KCTD16: variants seen among roughly 807,000 people sequenced by gnomAD.
The protein encoded by KCTD16 is BTB/POZ domain-containing protein KCTD16.
Under a neutral mutation model 33.2 loss-of-function variants are expected in KCTD16, and 13 were observed. The observed-to-expected ratio is 0.39, with a 90% CI of 0.25 to 0.62. The LOEUF is 0.62. KCTD16 is among the 20% of genes least tolerant of loss of function. The pLI is 0.50. For synonymous variants in KCTD16, 197 were observed against 195.3 expected, an observed-to-expected ratio of 1.01 and a Z score of -0.07; for missense variants, 441 against 525.1, an observed-to-expected ratio of 0.84 and a Z score of 1.57.
At chr5:144,230,309 A>G (rs1448971812) in intron 3 of KCTD16, among the ~76,000 whole-genome samples, 2 of 152,180 alleles carry the variant, frequency 1.3e-5, no homozygotes, top group Non-Finnish European at 2.9e-5. Flanking sequence ...GCTTTATTGT[A>G]TCTTGCCCTT....
intron 3 of KCTD16, among the ~76,000 whole-genome samples, chr5:144,301,642 G>A (rs1332809111): frequency 2.0e-5 from 3 of 152,230 alleles, no homozygotes; most frequent in East Asian, 3.9e-4. Flanking sequence ...ATGCCGTCTC[G>A]ACATAGTGAA....
At chr5:144,324,573 G>A (rs559868685) in intron 3 of KCTD16, among the ~76,000 whole-genome samples, 4 of 152,200 alleles carry the variant, frequency 2.6e-5, no homozygotes, top group Admixed American at 6.5e-5. Flanking sequence ...TCCCATTACT[G>A]GTTATATACC....
Position 144,474,381 on chromosome 5 carries a change from A to G in KCTD16, c.*267A>G, listed in dbSNP as rs1344395032. 3 of 329,162 alleles carry G rather than the reference A, an allele frequency of 9.1e-6. No homozygotes were observed. Among genetic ancestry groups the G allele is most frequent in the Non-Finnish European group, 1.7e-5 (3 of 178,202 alleles). 20.4% of individuals were successfully genotyped at this position (329,162 alleles called of 1,614,324 possible). A position where few individuals can be genotyped will look rare whatever the true frequency, so the allele number is the denominator to read the frequency against. ...TCGTCCCATGTGCTAACTATCTTATATATAATGAGAGCCAGCTACGTAAAA... is the reference window on the plus strand; with the variant it reads ...TCGTCCCATGTGCTAACTATCTTATGTATAATGAGAGCCAGCTACGTAAAA... On this transcript the variant is annotated 3_prime_UTR_variant, in exon 4 of 4. Coordinates refer to ENST00000512467, the MANE Select transcript of KCTD16 (RefSeq NM_020768.4).
At chr5:144,256,027 G>A (rs937009249) in intron 3 of KCTD16, among the ~76,000 whole-genome samples, 6 of 152,126 alleles carry the variant, frequency 3.9e-5, no homozygotes, top group Non-Finnish European at 5.9e-5. Flanking sequence ...AGTCAGTACC[G>A]TACCTGTGCT....
chr5:144,201,206 T>C (rs1328488672), intron 2 of KCTD16, among the ~76,000 whole-genome samples: 1 of 152,188 alleles, frequency 6.6e-6, no homozygotes, highest in African/African-American at 2.4e-5. Context: ...ATCCATGTAG[T>C]ATAAATGAAA....
At chr5:144,334,767 C>A (rs569266401) in intron 3 of KCTD16, among the ~76,000 whole-genome samples, 1 of 152,062 alleles carries the variant, frequency 6.6e-6, no homozygotes, top group Admixed American at 6.6e-5. Flanking sequence ...CCTTGCCTTG[C>A]CTTTTTCTTT....
intron 3 of KCTD16, among the ~76,000 whole-genome samples, chr5:144,208,079 C>T (rs963110586): frequency 1.3e-5 from 2 of 152,180 alleles, no homozygotes; most frequent in Non-Finnish European, 2.9e-5. Context: ...CCCCTGCTCC[C>T]CCCAAGTCTA....
At chr5:144,449,013 G>A (rs549955031) in intron 3 of KCTD16, among the ~76,000 whole-genome samples, 50 of 152,052 alleles carry the variant, frequency 3.3e-4, no homozygotes, top group African/African-American at 1.2e-3. Flanking sequence ...AGTAAAAATT[G>A]TTACCTTTTT....
chr5:144,420,751 T>C (rs1466349960), intron 3 of KCTD16, among the ~76,000 whole-genome samples: 3 of 152,130 alleles, frequency 2.0e-5, no homozygotes, highest in African/African-American at 7.2e-5. Flanking sequence ...AGAAAATACC[T>C]GTCTGTAAGC....
At chr5:144,262,021 G>C (rs757751736) in intron 3 of KCTD16, among the ~76,000 whole-genome samples, 1 of 152,138 alleles carries the variant, frequency 6.6e-6, no homozygotes, top group Non-Finnish European at 1.5e-5. Context: ...GACACAGGGA[G>C]TGCTACAATC....
chr5:144,215,744 C>T (rs951896632), intron 3 of KCTD16, among the ~76,000 whole-genome samples: 86 of 152,312 alleles, frequency 5.6e-4, no homozygotes, highest in Non-Finnish European at 1.1e-3. Context: ...AATATGAGGA[C>T]CTCTGGGAAT....
At chr5:144,444,300 A>G (rs897410974) in intron 3 of KCTD16, among the ~76,000 whole-genome samples, 1 of 150,344 alleles carries the variant, frequency 6.7e-6, no homozygotes, top group Non-Finnish European at 1.5e-5. Context: ...AAGCTCTTCT[A>G]TATTACAGTT....
chr5:144,417,243 G>T (rs557125069), intron 3 of KCTD16, among the ~76,000 whole-genome samples: 5 of 152,158 alleles, frequency 3.3e-5, no homozygotes, highest in Admixed American at 6.5e-5. Flanking sequence ...AATGTGGAGA[G>T]TTCTAATTTC....
intron 3 of KCTD16, among the ~76,000 whole-genome samples, chr5:144,406,653 C>T (rs1261336535): frequency 1.3e-5 from 2 of 152,152 alleles, no homozygotes; most frequent in Non-Finnish European, 2.9e-5. Flanking sequence ...AAGTTGGCAC[C>T]TGCTTCACAA....
At chr5:144,309,407 G>T (rs1400874732) in intron 3 of KCTD16, among the ~76,000 whole-genome samples, 4 of 151,162 alleles carry the variant, frequency 2.6e-5, no homozygotes, top group Admixed American at 2.6e-4. Context: ...AGCAGTTCAA[G>T]GTCAAGCCAA....
At chr5:144,433,101 C>A (rs1753500860) in intron 3 of KCTD16, among the ~76,000 whole-genome samples, 1 of 152,118 alleles carries the variant, frequency 6.6e-6, no homozygotes, top group African/African-American at 2.4e-5. Context: ...TATCTTCTTA[C>A]CTGTCACAGT....
intron 3 of KCTD16, among the ~76,000 whole-genome samples, chr5:144,420,290 C>T (rs959713379): frequency 1.3e-5 from 2 of 151,998 alleles, no homozygotes; most frequent in African/African-American, 4.8e-5. Context: ...GCAAGAGTAA[C>T]GGAGATAAAG....
Position 144,275,186 on chromosome 5 carries a change from A to G in KCTD16, c.832+67640A>G, listed in dbSNP as rs1755406020. On this transcript the variant is annotated intron_variant, in intron 3 of 3. Coordinates refer to ENST00000512467, the MANE Select transcript of KCTD16 (RefSeq NM_020768.4). ...GGGCTGAAGATTTTATAGGCAGAGA[A>G]GAAAGTGCCCACTGGTCTCTTGCAT... Among the ~76,000 whole-genome samples the G allele has an allele frequency of 3.9e-5, 6 of 152,174 alleles. No individual in the cohort carries two copies. In the South Asian group the frequency reaches 1.2e-3, roughly 32 times the overall value.
chr5:144,191,118 G>T (rs570969489), intron 2 of KCTD16, among the ~76,000 whole-genome samples: 2 of 152,158 alleles, frequency 1.3e-5, no homozygotes, highest in South Asian at 4.1e-4. Flanking sequence ...TTTTAATACT[G>T]TTGTAAAAAC....
Sources: gnomAD v4.1 joint callset for allele counts (sites outside exome capture counted in the v4.1 genomes callset) on GRCh38, gnomAD v4.1.1 for gene constraint, MANE v1.5 for transcripts, NCBI Gene and HGNC (gene_info 2026-07-23, HGNC 2026-07-21) for gene names.